Variants in BBS12 observed in about 807,000 individuals in gnomAD.
BBS12 encodes chaperonin-containing T-complex member BBS12.
In BBS12, 5 loss-of-function variants were observed where a neutral mutation model predicts 5.6. That is an observed-to-expected ratio of 0.89 (90% CI 0.46 to 1.86). The LOEUF is 1.86. BBS12 is among the 40% of genes most tolerant of loss of function. The pLI, the probability that BBS12 is intolerant of heterozygous loss-of-function variation, is 0.01. For synonymous variants in BBS12, 308 were observed against 306.8 expected, an observed-to-expected ratio of 1.00 and a Z score of -0.04; for missense variants, 748 against 830.4, an observed-to-expected ratio of 0.90 and a Z score of 1.22.
In BBS12 at chr4:122,743,113, C is replaced by T. The variant is rs1346644249; in HGVS notation, c.1221C>T (p.Phe407=). ...ACGTGTTACAGGTGTTAATCCAGTT[C>T]AAGGTGAACCTTGTCCTGGTACAAG... ...ANHVLQVLIQ[F]KVNLVLVQGN... is the part of the protein sequence containing the mutation. Residue 407 remains phenylalanine (F), a synonymous_variant, in exon 2 of 2, where the codon TTC becomes TTT. Coordinates refer to ENST00000314218, the MANE Select transcript of BBS12 (RefSeq NM_152618.3). 1 of 1,614,094 alleles carries T rather than the reference C, an allele frequency of 6.2e-7. No homozygotes were observed. Among genetic ancestry groups the T allele is most frequent in the South Asian group, 1.1e-5 (1 of 91,078 alleles).
chr4:122,718,452 A>T, the BBS12 span, among the ~76,000 whole-genome samples: 1 of 152,162 alleles, frequency 6.6e-6, no homozygotes. Context: ...TATATAAAAC[A>T]ACTGTGTGAA....
the BBS12 span, among the ~76,000 whole-genome samples, chr4:122,721,292 T>C: frequency 2.6e-5 from 4 of 152,164 alleles, no homozygotes; most frequent in Admixed American, 2.0e-4. Context: ...ATAATAATTA[T>C]ACCTTGTAGG....
the BBS12 span, among the ~76,000 whole-genome samples, chr4:122,702,084 T>C: frequency 6.6e-6 from 1 of 152,076 alleles, no homozygotes; most frequent in Admixed American, 6.5e-5. Context: ...GAGGAAACAA[T>C]ATATTTTTTT....
upstream of BBS12, among the ~76,000 whole-genome samples, chr4:122,727,951 A>C (rs1005269802): frequency 6.6e-6 from 1 of 152,172 alleles, no homozygotes; most frequent in Non-Finnish European, 1.5e-5. Context: ...AAAAACACTC[A>C]ATGCCTCTCA....
rs762266326 is a variant in BBS12, at chr4:122,743,988, T to C, written c.2096T>C (p.Ile699Thr). ...EIITGHGHTQ[I>T]NSQELTGFLF... ...ATTACTGGACATGGACACACACAGA[T>C]AAATTCACAGGAATTAACGGGCTTT... Residue 699 changes from isoleucine to threonine, a missense_variant, in exon 2 of 2, where the codon ATA (isoleucine) becomes ACA (threonine). By Grantham distance (89) the Ile-to-Thr change is moderately conservative. Coordinates refer to ENST00000314218, the MANE Select transcript of BBS12 (RefSeq NM_152618.3). The C allele has an allele frequency of 3.1e-6, 5 of 1,614,074 alleles. No homozygotes were observed. The South Asian group carries it at 5.5e-5, about 18-fold the overall frequency.
the BBS12 span, among the ~76,000 whole-genome samples, chr4:122,723,372 T>C: frequency 6.6e-6 from 1 of 152,220 alleles, no homozygotes; most frequent in African/African-American, 2.4e-5. Context: ...TAGAGTTTTC[T>C]TTGTGGAAAA....
At chr4:122,735,188 A>G (rs1435961544) in intron 1 of BBS12, among the ~76,000 whole-genome samples, 1 of 152,228 alleles carries the variant, frequency 6.6e-6, no homozygotes, top group Admixed American at 6.5e-5. Flanking sequence ...AGAAGTCCTG[A>G]TAGGAAATGA....
the BBS12 span, among the ~76,000 whole-genome samples, chr4:122,717,018 C>T: frequency 2.1e-4 from 32 of 152,276 alleles, no homozygotes; most frequent in Admixed American, 1.1e-3. Context: ...GACAAGACCT[C>T]AACGCCCTCT....
rs1290703348 is a variant in BBS12 at position 122,743,606 on chromosome 4, A to T, written c.1714A>T (p.Thr572Ser). 6.2e-7 allele frequency: 1 copy of T among 1,614,026 alleles called. No homozygotes were observed. The highest frequency in any genetic ancestry group is 1.3e-5 in the African/African-American group (1 of 74,916). ...TGCCTGCTCAGGGTGGCTGCATAAT[A>T]CTTCCTCTTGGCTGGCTTCATCTCT... is the stretch of plus-strand genomic sequence containing the variant. ...NHACSGWLHN[T>S]SSWLASSLAI... Residue 572 changes from threonine to serine, a missense_variant, in exon 2 of 2, where the codon ACT becomes TCT. Thr to Ser is a moderately conservative substitution (Grantham distance 58). Coordinates refer to ENST00000314218, the MANE Select transcript of BBS12 (RefSeq NM_152618.3).
At chr4:122,741,840 G>A (rs1195182359) in intron 1 of BBS12, 43 bp from the exon 2 acceptor site, 5 of 1,506,450 alleles carry the variant, frequency 3.3e-6, no homozygotes, top group South Asian at 1.2e-5. Flanking sequence ...TTATAACTAT[G>A]AATTATACTG....
Position 122,742,385 on chromosome 4 carries a change from T to A in BBS12, c.493T>A (p.Ser165Thr). 6.2e-7 allele frequency: 1 copy of A among 1,614,212 alleles called. No individual in the cohort carries two copies. The highest frequency in any genetic ancestry group is 8.5e-7 in the Non-Finnish European group (1 of 1,180,028). Reference protein sequence around the residue: ...VSLCPFLQVPSDTDLIEELHG... With the variant: ...VSLCPFLQVPTDTDLIEELHG... ...TTTGTGTCCTTTTCTACAGGTCCCTTCAGATACTGATTTGATAGAGGAATT... is the reference window on the plus strand; with the variant it reads ...TTTGTGTCCTTTTCTACAGGTCCCTACAGATACTGATTTGATAGAGGAATT... The change falls in exon 2 of 2, where the codon TCA (serine) becomes ACA (threonine). Residue 165 changes from serine (S) to threonine (T), a missense_variant. By Grantham distance (58) the Ser-to-Thr change is moderately conservative. Transcript: ENST00000314218.
In BBS12 at chr4:122,743,099, G is replaced by A. The variant is rs78000298; in HGVS notation, c.1207G>A (p.Val403Met). 1,479 of 1,614,248 alleles carry A rather than the reference G, an allele frequency of 9.2e-4. 23 individuals are homozygous for A. The East Asian group carries it at 0.031, about 34-fold the overall frequency. The change falls in exon 2 of 2, where the codon GTG becomes ATG. Residue 403 changes from valine (V) to methionine (M), a missense_variant. Val to Met is a conservative substitution (Grantham distance 21). Transcript: ENST00000314218. Reference protein sequence around the residue: ...EELWANHVLQVLIQFKVNLVL... With the variant: ...EELWANHVLQMLIQFKVNLVL... The stretch of plus-strand genomic sequence containing the variant: ...ACTGTGGGCAAATCACGTGTTACAG[G>A]TGTTAATCCAGTTCAAGGTGAACCT...
the BBS12 span, among the ~76,000 whole-genome samples, chr4:122,725,659 G>T: frequency 6.6e-6 from 1 of 152,110 alleles, no homozygotes; most frequent in Non-Finnish European, 1.5e-5. Context: ...AGCACTTTGG[G>T]AGGCTGAGGT....
chr4:122,725,368 A>C, the BBS12 span, among the ~76,000 whole-genome samples: 3 of 152,220 alleles, frequency 2.0e-5, no homozygotes, highest in African/African-American at 7.2e-5. Context: ...AAACTATACT[A>C]TAAGCCCATA....
chr4:122,716,556 C>T, the BBS12 span, among the ~76,000 whole-genome samples: 3 of 148,624 alleles, frequency 2.0e-5, no homozygotes, highest in Non-Finnish European at 3.0e-5. Context: ...TATATATACA[C>T]ATATGTATAT....
the BBS12 span, among the ~76,000 whole-genome samples, chr4:122,725,622 T>C: frequency 3.3e-5 from 5 of 152,050 alleles, no homozygotes; most frequent in Non-Finnish European, 1.5e-5. Context: ...CTCAAGGCCA[T>C]GTGCAGTGGC....
chr4:122,737,358 C>T (rs1800798203), intron 1 of BBS12, among the ~76,000 whole-genome samples: 2 of 152,182 alleles, frequency 1.3e-5, no homozygotes, highest in South Asian at 4.1e-4. Context: ...ATAGCATAGG[C>T]TTTAACATTA....
At chr4:122,717,606 T>C in the BBS12 span, among the ~76,000 whole-genome samples, 1 of 152,164 alleles carries the variant, frequency 6.6e-6, no homozygotes, top group African/African-American at 2.4e-5. Flanking sequence ...CACGGCTCAC[T>C]GTAACCTCGA....
the BBS12 span, among the ~76,000 whole-genome samples, chr4:122,700,558 T>G: frequency 6.6e-6 from 1 of 152,238 alleles, no homozygotes; most frequent in South Asian, 2.1e-4. Context: ...TGTCCTTTGC[T>G]GCCTGTTGGT....
Sources: gnomAD v4.1 joint callset for allele counts (sites outside exome capture counted in the v4.1 genomes callset) on GRCh38, gnomAD v4.1.1 for gene constraint, MANE v1.5 for transcripts, NCBI Gene and HGNC (gene_info 2026-07-23, HGNC 2026-07-21) for gene names.